The following NFATC1 variants were observed in gnomAD, a reference collection of about 807,000 sequenced individuals.
The protein encoded by NFATC1 is nuclear factor of activated T cells 1.
Under a neutral mutation model 76.0 loss-of-function variants are expected in NFATC1, and 22 were observed. The ratio of observed to expected loss-of-function variants is 0.29; its 90% CI spans 0.21 to 0.41. The LOEUF is 0.41. NFATC1 is among the 10% of genes least tolerant of loss of function. The probability of loss-of-function intolerance (pLI) is 1.00; values close to 1 mark genes in which losing one functional copy is unlikely to be tolerated. For missense variants in NFATC1, 1,357 were observed against 1,337.7 expected (o/e 1.01, Z -0.23); for synonymous variants, 704 against 613.1 (o/e 1.15, Z -2.19).
chr18:79,494,114 C>T (rs566521075), intron 9 of NFATC1, among the ~76,000 whole-genome samples: 1 of 152,352 alleles, frequency 6.6e-6, no homozygotes, highest in South Asian at 2.1e-4. Context: ...GCTCAGACGT[C>T]GACTCACGCG....
In NFATC1 at chr18:79,410,482, C is replaced by T; in HGVS notation, c.207C>T (p.Cys69=). ...PTAHSTLPAP[C]HNLQTSTPGI... The stretch of plus-strand genomic sequence containing the variant: ...CGCACTCCACCCTGCCGGCCCCGTG[C>T]CACAACCTTCAGACCTCCACACCGG... The change falls in exon 2 of 10, where the codon TGC becomes TGT. Residue 69 remains cysteine, a synonymous_variant. Coordinates refer to ENST00000427363, the MANE Select transcript of NFATC1 (RefSeq NM_001278669.2). This position sits in a 1 kb window ranked among gnomAD's most constrained non-coding sequence, Gnocchi z 6.7. The T allele has an allele frequency of 1.2e-6, 2 of 1,612,376 alleles. No homozygotes were observed. Among genetic ancestry groups the T allele is most frequent in the East Asian group, 2.2e-5 (1 of 44,862 alleles).
chr18:79,478,303 C>T (rs913094263), intron 8 of NFATC1, among the ~76,000 whole-genome samples: 3 of 152,172 alleles, frequency 2.0e-5, no homozygotes, highest in Non-Finnish European at 4.4e-5. Context: ...GAAGGGGGCC[C>T]TGATCTGGGA....
At chr18:79,479,323 T>G (rs975755278) in intron 8 of NFATC1, among the ~76,000 whole-genome samples, 3 of 152,064 alleles carry the variant, frequency 2.0e-5, no homozygotes, top group Non-Finnish European at 2.9e-5. Flanking sequence ...CAGCTTGAAC[T>G]GGGCCTGTGC....
Position 79,451,100 on chromosome 18 carries a change from A to G in NFATC1, c.1736A>G (p.Gln579Arg). ...PQPSGRTLSL[Q>R]VASNPIECSQ... ...CCCAGCGGCCGCACGCTGTCCCTGCAGGTGGCCTCCAACCCCATCGAATGC... is the reference window on the plus strand; with the variant it reads ...CCCAGCGGCCGCACGCTGTCCCTGCGGGTGGCCTCCAACCCCATCGAATGC... The change falls in exon 5 of 10, where the codon CAG (glutamine) becomes CGG (arginine). Residue 579 changes from glutamine (Q) to arginine (R), a missense_variant. Gln to Arg is a conservative substitution (Grantham distance 43). Coordinates refer to ENST00000427363, the MANE Select transcript of NFATC1 (RefSeq NM_001278669.2). The G allele has an allele frequency of 6.2e-7, 1 of 1,612,782 alleles. No individual in the cohort carries two copies.
chr18:79,398,196 T>A (rs1339089072), intron 1 of NFATC1, among the ~76,000 whole-genome samples: 1 of 152,164 alleles, frequency 6.6e-6, no homozygotes, highest in African/African-American at 2.4e-5. Context: ...TGCTTCCTCA[T>A]GGAGAACGCA....
intron 2 of NFATC1, among the ~76,000 whole-genome samples, chr18:79,425,464 T>C (rs2086293983): frequency 6.6e-6 from 1 of 152,234 alleles, no homozygotes; most frequent in Non-Finnish European, 1.5e-5. Flanking sequence ...GTTCAGAGTC[T>C]GTCGCTTCGT....
At chr18:79,437,464 G>A (rs369985681) in intron 3 of NFATC1, among the ~76,000 whole-genome samples, 14 of 152,228 alleles carry the variant, frequency 9.2e-5, no homozygotes, top group Non-Finnish European at 1.6e-4. Flanking sequence ...ACCAGTTCTC[G>A]GTGGGCCGGT....
chr18:79,469,576 C>G (rs12965843), intron 8 of NFATC1: 1 of 985,818 alleles, frequency 1.0e-6, no homozygotes, highest in Non-Finnish European at 1.2e-6. Context: ...CGGCTCCCCT[C>G]TCAGCATTGT....
At chr18:79,518,761 G>A (rs939939165) in intron 9 of NFATC1, among the ~76,000 whole-genome samples, 1 of 152,206 alleles carries the variant, frequency 6.6e-6, no homozygotes, top group East Asian at 1.9e-4. Flanking sequence ...GCTCCAAGGA[G>A]AGCTGTGCCG....
chr18:79,431,514 T>C (rs1040516887), intron 2 of NFATC1, among the ~76,000 whole-genome samples: 1 of 152,070 alleles, frequency 6.6e-6, no homozygotes, highest in Non-Finnish European at 1.5e-5. Flanking sequence ...GCCTCCTGTG[T>C]GGCTGGGATC....
intron 1 of NFATC1, among the ~76,000 whole-genome samples, chr18:79,402,059 T>C (rs1600583804): frequency 6.6e-6 from 1 of 152,242 alleles, no homozygotes; most frequent in Non-Finnish European, 1.5e-5. Flanking sequence ...GGGCACTGTG[T>C]CTGGCTTGGC....
chr18:79,400,561 G>A, intron 1 of NFATC1: 3 of 1,204,072 alleles, frequency 2.5e-6, no homozygotes, highest in Non-Finnish European at 3.2e-6. Context: ...CGTCCTCGTC[G>A]CTCCCCGGGG....
At chr18:79,451,638 C>CCT in intron 5 of NFATC1, 38 bp from the exon 6 acceptor site, 2 of 1,514,898 alleles carry the variant, frequency 1.3e-6, no homozygotes, top group Non-Finnish European at 8.9e-7. Flanking sequence ...GCCGCCCACT[C>CCT]AGGACAGGCC....
intron 8 of NFATC1, among the ~76,000 whole-genome samples, chr18:79,484,850 G>C (rs115507957): frequency 1.2e-4 from 18 of 152,320 alleles, no homozygotes; most frequent in African/African-American, 3.4e-4. Flanking sequence ...ACCTGTGCGG[G>C]GGGGGAAGAG....
chr18:79,420,709 G>C (rs2086057587), intron 2 of NFATC1: 1 of 152,830 alleles, frequency 6.5e-6, no homozygotes, highest in African/African-American at 2.4e-5. Context: ...GAGAGGAAGA[G>C]GAGGACGTGT....
intron 8 of NFATC1, among the ~76,000 whole-genome samples, chr18:79,476,375 G>T (rs527719088): frequency 3.2e-4 from 49 of 152,390 alleles, no homozygotes; most frequent in African/African-American, 8.4e-4. Context: ...GGCAGCGCGG[G>T]CGAGGATTGG....
chr18:79,446,057 G>A (rs898864110), intron 3 of NFATC1, among the ~76,000 whole-genome samples: 1 of 152,210 alleles, frequency 6.6e-6, no homozygotes, highest in Non-Finnish European at 1.5e-5. Context: ...TGAGGCAGAG[G>A]GAGGTCATTG....
chr18:79,445,370 C>T (rs898745072), intron 3 of NFATC1, among the ~76,000 whole-genome samples: 1 of 152,198 alleles, frequency 6.6e-6, no homozygotes, highest in Non-Finnish European at 1.5e-5. Flanking sequence ...TGCCTTCCTT[C>T]TCGTGCTTTG....
intron 9 of NFATC1, among the ~76,000 whole-genome samples, chr18:79,508,679 C>T (rs2090174055): frequency 6.6e-6 from 1 of 151,956 alleles, no homozygotes; most frequent in Admixed American, 6.6e-5. Context: ...GTCTCCCTTC[C>T]TCCCTGTCTC....
Sources: allele counts gnomAD v4.1 joint callset (sites outside exome capture counted in the v4.1 genomes callset), GRCh38; gene constraint gnomAD v4.1.1; non-coding constraint Gnocchi (gnomAD v3.1); transcripts MANE v1.5; gene names NCBI Gene and HGNC (gene_info 2026-07-23, HGNC 2026-07-21).